The following DENND10 variants were observed in gnomAD, a reference collection of about 807,000 sequenced individuals.
DENND10 encodes DENN domain-containing protein 10.
DENND10 carries 24 observed loss-of-function variants against 43.6 expected under a neutral mutation model. That is an observed-to-expected ratio of 0.55 (90% CI 0.40 to 0.77). The LOEUF is 0.77. DENND10 is among the 30% of genes least tolerant of loss of function. The pLI is 0.00. For synonymous variants in DENND10, 125 were observed against 157.6 expected, an observed-to-expected ratio of 0.79 and a Z score of 1.55; for missense variants, 303 against 429.9, an observed-to-expected ratio of 0.70 and a Z score of 2.61.
At chr10:119,106,232 A>G (rs1326190632) in intron 1 of DENND10, among the ~76,000 whole-genome samples, 2 of 152,198 alleles carry the variant, frequency 1.3e-5, no homozygotes, top group East Asian at 1.9e-4. Context: ...CAGAGAGAGA[A>G]AAAAAAACAG....
intron 4 of DENND10, among the ~76,000 whole-genome samples, chr10:119,119,699 G>A (rs1845466854): frequency 6.6e-6 from 1 of 151,714 alleles, no homozygotes; most frequent in Non-Finnish European, 1.5e-5. Context: ...ACAGACATGA[G>A]TCACCCTGCA....
chr10:119,117,089 A>AGCAGTAAGT (rs1845325156), intron 3 of DENND10, among the ~76,000 whole-genome samples: 1 of 152,098 alleles, frequency 6.6e-6, no homozygotes, highest in Non-Finnish European at 1.5e-5. Flanking sequence ...GCAGTAACTC[A>AGCAGTAAGT]GCAGTAAGTG....
At chr10:119,109,562 T>C (rs1844880140) in intron 2 of DENND10, among the ~76,000 whole-genome samples, 1 of 151,800 alleles carries the variant, frequency 6.6e-6, no homozygotes, top group Admixed American at 6.6e-5. Context: ...ATTTAGAAAC[T>C]GTAGAAGGTT....
At chr10:119,121,594 A>G (rs1183248778) in intron 5 of DENND10, among the ~76,000 whole-genome samples, 1 of 151,654 alleles carries the variant, frequency 6.6e-6, no homozygotes, top group Non-Finnish European at 1.5e-5. Flanking sequence ...AGCTGAGACT[A>G]CAGGTGCGCA....
intron 2 of DENND10, among the ~76,000 whole-genome samples, chr10:119,111,599 GAAGT>G (rs1395577197): frequency 7.2e-6 from 1 of 138,678 alleles, no homozygotes; most frequent in Non-Finnish European, 1.5e-5. Flanking sequence ...ATATTTGAGT[GAAGT>G]ATTTTTGATT....
At chr10:119,128,707 T>C (rs1845945062) in intron 6 of DENND10, among the ~76,000 whole-genome samples, 2 of 152,078 alleles carry the variant, frequency 1.3e-5, no homozygotes, top group African/African-American at 4.8e-5. Flanking sequence ...TGGCTTCTGC[T>C]TCTGTGGAGG....
At position 119,104,168 on chromosome 10, in the gene DENND10, C is replaced by A; in HGVS notation, c.26C>A (p.Thr9Asn). 1 of 1,523,200 alleles carries A rather than the reference C, an allele frequency of 6.6e-7. No homozygotes were observed. Among genetic ancestry groups the A allele is most frequent in the Non-Finnish European group, 8.8e-7 (1 of 1,137,350 alleles). The allele number at this position is 1,523,200 out of a possible 1,614,324, so 94.4% of individuals were successfully genotyped here. A position where few individuals can be genotyped will look rare whatever the true frequency, so the allele number is the denominator to read the frequency against. ...ATGGCTGCGGCCGAGGTGGCGGACA[C>A]TCAGCTGATGCTTGGAGTCGGGCTG... The part of the protein sequence containing the change: MAAAEVAD[T>N]QLMLGVGLIE... The change falls in exon 1 of 9, where the codon ACT (threonine) becomes AAT (asparagine). Residue 9 changes from threonine (T) to asparagine (N), a missense_variant. Coordinates refer to ENST00000361432, the MANE Select transcript of DENND10 (RefSeq NM_207009.4).
chr10:119,137,493 A>C lies in DENND10; in HGVS notation c.*846A>C, dbSNP rs1343156016. ...TCCTACAGGGGCCAAAACCAGAGAA[A>C]GGCTTCCAGCAACTTCGATGAAAGT... On this transcript the variant is annotated 3_prime_UTR_variant, in exon 9 of 9. Coordinates refer to ENST00000361432, the MANE Select transcript of DENND10 (RefSeq NM_207009.4). 6.0e-6 allele frequency: 1 copy of C among 166,958 alleles called. No homozygotes were observed. Among genetic ancestry groups the C allele is most frequent in the East Asian group, 1.9e-4 (1 of 5,194 alleles). 10.3% of individuals were successfully genotyped at this position (166,958 alleles called of 1,614,324 possible). A position where few individuals can be genotyped will look rare whatever the true frequency, so the allele number is the denominator to read the frequency against.
chr10:119,115,382 ATTTTTTTT>A (rs397845392), intron 3 of DENND10, among the ~76,000 whole-genome samples: 4 of 48,418 alleles, frequency 8.3e-5, no homozygotes, highest in South Asian at 1.3e-3. Context: ...TGAATTGGTA[ATTTTTTTT>A]TTTTTTTTTT....
chr10:119,128,276 G>A lies in DENND10; in HGVS notation c.695-1239G>A, dbSNP rs71500891. On this transcript the variant is annotated intron_variant, in intron 6 of 8. Transcript: ENST00000361432. ...TGCAGTAAGCCAAGATCGTGCCACT[G>A]CCCTCCAGCCTGGGCAACAGAGCAA... Among the ~76,000 whole-genome samples, 1,010 of 151,924 alleles carry A rather than the reference G, an allele frequency of 6.6e-3. 10 individuals are homozygous for A. The highest frequency in any genetic ancestry group is 0.011 in the Non-Finnish European group (755 of 67,982).
chr10:119,131,628 C>G (rs1846092914), intron 7 of DENND10, among the ~76,000 whole-genome samples: 1 of 152,180 alleles, frequency 6.6e-6, no homozygotes, highest in Non-Finnish European at 1.5e-5. Flanking sequence ...CAGCTGAATG[C>G]TGACTCATTG....
rs191941823 is a variant in DENND10, at chr10:119,119,861, C to T, written c.482-480C>T. ...AGAGTCCCTTGCGGGGCAGAGCACA[C>T]GTCCTGGGAAGCTGACATAGGATAG... On this transcript the variant is annotated intron_variant, in intron 4 of 8. Transcript: ENST00000361432. Among the ~76,000 whole-genome samples, 228 of 152,080 alleles carry T rather than the reference C, an allele frequency of 1.5e-3. 2 individuals carry two copies. Among genetic ancestry groups the T allele is most frequent in the African/African-American group, 5.3e-3 (221 of 41,486 alleles).
chr10:119,123,479 G>T lies in DENND10; in HGVS notation c.604G>T (p.Ala202Ser). The T allele has an allele frequency of 6.2e-7, 1 of 1,613,720 alleles. No individual in the cohort carries two copies. The highest frequency in any genetic ancestry group is 1.1e-5 in the South Asian group (1 of 91,066). The change falls in exon 6 of 9, where the codon GCC becomes TCC. Residue 202 changes from alanine (A) to serine (S), a missense_variant. Physicochemically the swap from Ala to Ser is moderately conservative, Grantham distance 99. Transcript: ENST00000361432. ...GCCTTGATTCCCCAGGACTCTGCCT[G>T]CCCTGGTGTGGCACCGACAGGACTG... ...AVQEFTRTLP[A>S]LVWHRQDWTI... is the part of the protein sequence containing the mutation.
chr10:119,137,884 T>C lies in DENND10; in HGVS notation c.*1237T>C. 1 of 166,684 alleles carries C rather than the reference T, an allele frequency of 6.0e-6. No individual in the cohort carries two copies. Among genetic ancestry groups the C allele is most frequent in the East Asian group, 1.9e-4 (1 of 5,172 alleles). 10.3% of individuals were successfully genotyped at this position (166,684 alleles called of 1,614,324 possible). Reference sequence around the variant, plus strand: ...ATGGAAATGAGGAATATTAACATCTTTTTTCTCATTTTTTTGTATTACTAT... The same window carrying C: ...ATGGAAATGAGGAATATTAACATCTCTTTTCTCATTTTTTTGTATTACTAT... On this transcript the variant is annotated 3_prime_UTR_variant, in exon 9 of 9. Coordinates refer to ENST00000361432, the MANE Select transcript of DENND10 (RefSeq NM_207009.4).
chr10:119,120,561 G>T, intron 5 of DENND10, 109 bp downstream of exon 5: 1 of 711,308 alleles, frequency 1.4e-6, no homozygotes, highest in Non-Finnish European at 2.5e-6. Flanking sequence ...AATAGCATGT[G>T]GTGAAATACC....
chr10:119,124,741 CGTT>C (rs929813568), intron 6 of DENND10, among the ~76,000 whole-genome samples: 3 of 151,902 alleles, frequency 2.0e-5, no homozygotes, highest in Admixed American at 1.3e-4. Flanking sequence ...AGTACATTCA[CGTT>C]GTTGTTCAGC....
chr10:119,122,056 C>A (rs578232918), intron 5 of DENND10, among the ~76,000 whole-genome samples: 44 of 152,080 alleles, frequency 2.9e-4, no homozygotes, highest in African/African-American at 1.0e-3. Flanking sequence ...CCTGTAATCC[C>A]AGCACTTTGG....
intron 8 of DENND10, chr10:119,135,066 G>A (rs925253432): frequency 9.9e-5 from 15 of 151,372 alleles, no homozygotes; most frequent in African/African-American, 3.4e-4. Context: ...TTGGGAAGCC[G>A]AGGCAGGAGA....
intron 7 of DENND10, among the ~76,000 whole-genome samples, chr10:119,131,110 A>T (rs930811028): frequency 7.2e-5 from 11 of 152,212 alleles, no homozygotes; most frequent in Non-Finnish European, 1.5e-4. Context: ...TCTTAGAGCT[A>T]ATGATCAGGA....
Sources: gnomAD v4.1 joint callset for allele counts (sites outside exome capture counted in the v4.1 genomes callset) on GRCh38, gnomAD v4.1.1 for gene constraint, MANE v1.5 for transcripts, NCBI Gene and HGNC (gene_info 2026-07-23, HGNC 2026-07-21) for gene names.